Variants in TAF1B observed in about 807,000 individuals in gnomAD.
TAF1B encodes TATA box-binding protein-associated factor RNA polymerase I subunit B.
In TAF1B, 61 loss-of-function variants were observed where a neutral mutation model predicts 83.9. The ratio of observed to expected loss-of-function variants is 0.73; its 90% CI spans 0.59 to 0.90. The LOEUF (loss-of-function observed/expected upper bound fraction) is 0.90. Among genes scored for constraint, TAF1B ranks in the 40% least tolerant of loss-of-function variants. The pLI is 0.00. For missense variants in TAF1B, 625 were observed against 677.0 expected (o/e 0.92, Z 0.85); for synonymous variants, 221 against 224.6 (o/e 0.98, Z 0.14).
chr2:9,852,806 TA>T (rs751217219), intron 4 of TAF1B, among the ~76,000 whole-genome samples: 10 of 152,060 alleles, frequency 6.6e-5, no homozygotes, highest in Non-Finnish European at 1.3e-4. Flanking sequence ...TAAGTGATAT[TA>T]AAGGCAAAAA....
chr2:9,933,768 C>T lies in TAF1B; in HGVS notation c.1566-15C>T, dbSNP rs1279157857. ...ACCATCTAAAGATAAATTCTTTTTT[C>T]TTTTTCCCTTCTAGCTATTGTACAC... On this transcript the variant is annotated splice_polypyrimidine_tract_variant and intron_variant, in intron 14 of 14. Transcript: ENST00000263663. The T allele has an allele frequency of 4.4e-6, 7 of 1,587,974 alleles. No individual in the cohort carries two copies. The Admixed American group carries it at 5.5e-5, about 12-fold the overall frequency.
chr2:9,897,652 G>A (rs1038942183), intron 8 of TAF1B, among the ~76,000 whole-genome samples: 5 of 152,156 alleles, frequency 3.3e-5, no homozygotes, highest in Non-Finnish European at 7.3e-5. Context: ...TCTTTTGGTT[G>A]AAGGAAGAAA....
intron 8 of TAF1B, among the ~76,000 whole-genome samples, chr2:9,886,121 C>G (rs35029226): frequency 0.28 from 42,170 of 151,494 alleles, 6,784 homozygotes; most frequent in Middle Eastern, 0.38. Context: ...GACATATTGA[C>G]GTATTCAAAT....
chr2:9,920,579 C>T (rs993918218), intron 14 of TAF1B, among the ~76,000 whole-genome samples: 3 of 96,434 alleles, frequency 3.1e-5, no homozygotes, highest in African/African-American at 9.4e-5. Context: ...TAGACTGGGG[C>T]GGGGGGCGGG....
At chr2:9,855,157 G>C (rs925103252) in intron 5 of TAF1B, among the ~76,000 whole-genome samples, 8 of 152,208 alleles carry the variant, frequency 5.3e-5, no homozygotes, top group African/African-American at 1.9e-4. Flanking sequence ...ACCACACCTG[G>C]TTCATTTTTG....
intron 4 of TAF1B, among the ~76,000 whole-genome samples, chr2:9,852,642 C>T (rs1352143124): frequency 6.6e-6 from 1 of 152,166 alleles, no homozygotes; most frequent in Non-Finnish European, 1.5e-5. Flanking sequence ...CAGGCACACA[C>T]TGCTATACCC....
chr2:9,873,709 C>T (rs1376024386), intron 6 of TAF1B, among the ~76,000 whole-genome samples: 1 of 145,724 alleles, frequency 6.9e-6, no homozygotes, highest in Non-Finnish European at 1.5e-5. Flanking sequence ...ACCTTATAAT[C>T]ATACTTGTTT....
intron 3 of TAF1B, 122 bp downstream of exon 3, chr2:9,849,582 C>T (rs1663319685): frequency 3.2e-6 from 2 of 619,654 alleles, no homozygotes; most frequent in Non-Finnish European, 5.2e-6. Context: ...TATCTACTGG[C>T]ATACGTTCTT....
chr2:9,916,778 G>C (rs1267730751), intron 12 of TAF1B, among the ~76,000 whole-genome samples: 1 of 148,410 alleles, frequency 6.7e-6, no homozygotes, highest in African/African-American at 2.5e-5. Context: ...ACCATCTCCT[G>C]TATAACATTA....
In TAF1B at chr2:9,909,104, A is replaced by G. The variant is rs111987750; in HGVS notation, c.956-1632A>G. On this transcript the variant is annotated intron_variant, in intron 9 of 14. Coordinates refer to ENST00000263663, the MANE Select transcript of TAF1B (RefSeq NM_005680.3). Reference sequence around the variant, plus strand: ...GTTAACAAAGCATTTTTTAATCAGCAAAACTTTTTTACTTAAATGTTTCAA... The same window carrying G: ...GTTAACAAAGCATTTTTTAATCAGCGAAACTTTTTTACTTAAATGTTTCAA... 5.8e-3 allele frequency among the ~76,000 whole-genome samples: 889 copies of G among 152,362 alleles called. 15 individuals are homozygous for G. The highest frequency in any genetic ancestry group is 0.017 in the Middle Eastern group (5 of 294).
At chr2:9,917,990 T>C (rs555210648) in intron 12 of TAF1B, among the ~76,000 whole-genome samples, 2 of 150,228 alleles carry the variant, frequency 1.3e-5, no homozygotes, top group African/African-American at 4.9e-5. Flanking sequence ...GAGAATGGCG[T>C]GAACCCGGGA....
intron 9 of TAF1B, among the ~76,000 whole-genome samples, chr2:9,909,992 C>G (rs1032547929): frequency 6.6e-6 from 1 of 152,108 alleles, no homozygotes; most frequent in African/African-American, 2.4e-5. Flanking sequence ...TCCATGCAAG[C>G]TCATTATCTC....
chr2:9,906,112 C>G (rs1665334927), intron 9 of TAF1B, among the ~76,000 whole-genome samples: 1 of 151,726 alleles, frequency 6.6e-6, no homozygotes, highest in Admixed American at 6.6e-5. Context: ...GTCTTATGTT[C>G]TAAATCCTGA....
intron 6 of TAF1B, among the ~76,000 whole-genome samples, chr2:9,872,338 A>G (rs1008126570): frequency 1.3e-4 from 20 of 152,110 alleles, no homozygotes; most frequent in Admixed American, 1.2e-3. Flanking sequence ...AAAAAAAAAA[A>G]AAAAGAATCT....
At chr2:9,906,485 A>T (rs949381735) in intron 9 of TAF1B, among the ~76,000 whole-genome samples, 1 of 152,226 alleles carries the variant, frequency 6.6e-6, no homozygotes, top group Non-Finnish European at 1.5e-5. Context: ...CATAAATGTC[A>T]TTAGTCTCTT....
chr2:9,855,415 A>G (rs1365874499), intron 5 of TAF1B, among the ~76,000 whole-genome samples: 1 of 152,240 alleles, frequency 6.6e-6, no homozygotes, highest in Non-Finnish European at 1.5e-5. Context: ...TTAATGACTC[A>G]TACCTGTAAT....
At chr2:9,885,242 GTC>G (rs1406110857) in intron 8 of TAF1B, among the ~76,000 whole-genome samples, 1 of 152,212 alleles carries the variant, frequency 6.6e-6, no homozygotes, top group Non-Finnish European at 1.5e-5. Flanking sequence ...TGTCTGAGGT[GTC>G]TGCTTTATAT....
chr2:9,916,597 C>G (rs1665687025), intron 12 of TAF1B, among the ~76,000 whole-genome samples: 1 of 152,106 alleles, frequency 6.6e-6, no homozygotes, highest in Non-Finnish European at 1.5e-5. Flanking sequence ...TTAGACTGTT[C>G]AGGGAACTTC....
rs571419907 is a variant in TAF1B at position 9,925,583 on chromosome 2, G to T, written c.1565+5763G>T. 4.2e-5 allele frequency among the ~76,000 whole-genome samples: 5 copies of T among 118,978 alleles called. No homozygotes were observed. The South Asian group carries it at 1.4e-3, about 33-fold the overall frequency. 78.1% of individuals were successfully genotyped at this position (118,978 alleles called of 152,430 possible). A position where few individuals can be genotyped will look rare whatever the true frequency, so the allele number is the denominator to read the frequency against. On this transcript the variant is annotated intron_variant, in intron 14 of 14. Coordinates refer to ENST00000263663, the MANE Select transcript of TAF1B (RefSeq NM_005680.3). ...TGGTTTTGGGTTTTTTTGTTTTGGG[G>T]TGTTTGTTTTTTTTTTGAGACAGAA...
Sources: gnomAD v4.1 joint callset for allele counts (sites outside exome capture counted in the v4.1 genomes callset) on GRCh38, gnomAD v4.1.1 for gene constraint, MANE v1.5 for transcripts, NCBI Gene and HGNC (gene_info 2026-07-23, HGNC 2026-07-21) for gene names.